The following PTPRD variants were observed in gnomAD, a reference collection of about 807,000 sequenced individuals.
PTPRD encodes the protein protein tyrosine phosphatase receptor type D.
PTPRD carries 34 observed loss-of-function variants against 214.5 expected under a neutral mutation model. The ratio of observed to expected loss-of-function variants is 0.16; its 90% confidence interval spans 0.12 to 0.21. The LOEUF (loss-of-function observed/expected upper bound fraction) is 0.21, where lower values mean the gene tolerates loss of function less well. Among genes scored for constraint, PTPRD ranks in the 10% least tolerant of loss-of-function variants. The pLI is 1.00. For synonymous variants in PTPRD, 1,128 were observed against 845.7 expected, an observed-to-expected ratio of 1.33 and a Z score of -5.79; for missense variants, 2,545 against 2,398.7, an observed-to-expected ratio of 1.06 and a Z score of -1.27.
chr9:10,165,904 C>T (rs1222721396), intron 3 of PTPRD, among the ~76,000 whole-genome samples: 1 of 150,724 alleles, frequency 6.6e-6, no homozygotes, highest in African/African-American at 2.4e-5. Flanking sequence ...TATAAATACA[C>T]ATGTCAATAT....
At chr9:9,937,885 G>A (rs1010644197) in intron 5 of PTPRD, among the ~76,000 whole-genome samples, 3 of 152,074 alleles carry the variant, frequency 2.0e-5, no homozygotes, top group Non-Finnish European at 4.4e-5. Context: ...TCATATTAAT[G>A]TTTCTACATG....
chr9:8,765,427 G>C (rs2094657559), intron 11 of PTPRD, among the ~76,000 whole-genome samples: 2 of 152,188 alleles, frequency 1.3e-5, no homozygotes, highest in South Asian at 4.1e-4. Flanking sequence ...CATGTTCTAA[G>C]GACACTTAGG....
At chr9:9,160,924 A>C (rs1429352525) in intron 10 of PTPRD, among the ~76,000 whole-genome samples, 1 of 152,194 alleles carries the variant, frequency 6.6e-6, no homozygotes, top group Non-Finnish European at 1.5e-5. Flanking sequence ...TAAACCAGGC[A>C]CAGAAAGACA....
intron 4 of PTPRD, among the ~76,000 whole-genome samples, chr9:9,970,850 C>T (rs537304161): frequency 1.3e-5 from 2 of 152,186 alleles, no homozygotes; most frequent in African/African-American, 2.4e-5. Context: ...GAATGTCACA[C>T]TGGAACATGG....
In PTPRD at chr9:10,111,533, C is replaced by T. The variant is rs1190225824; in HGVS notation, c.-544-77743G>A. Among the ~76,000 whole-genome samples the T allele has an allele frequency of 2.0e-5, 3 of 152,084 alleles. No homozygotes were observed. In the East Asian group the frequency reaches 5.8e-4, roughly 29 times the overall value. On this transcript the variant is annotated intron_variant, in intron 3 of 45. Coordinates refer to ENST00000381196, the MANE Select transcript of PTPRD (RefSeq NM_002839.4). ...GATTACAGGCGTGAGCCACCGCGCCCGGCCCCAGTTTAGTTTCTTATACCA... is the reference window on the plus strand; with the variant it reads ...GATTACAGGCGTGAGCCACCGCGCCTGGCCCCAGTTTAGTTTCTTATACCA...
intron 4 of PTPRD, among the ~76,000 whole-genome samples, chr9:9,957,539 G>A (rs893986097): frequency 3.3e-5 from 5 of 152,000 alleles, no homozygotes; most frequent in Admixed American, 6.6e-5. Flanking sequence ...AAAGCAGAAA[G>A]AATACTTTCT....
At chr9:9,767,710 T>C (rs763699457) in intron 5 of PTPRD, among the ~76,000 whole-genome samples, 5 of 152,152 alleles carry the variant, frequency 3.3e-5, no homozygotes, top group South Asian at 4.1e-4. Flanking sequence ...TTGTGATCTC[T>C]ACCACTATTT....
intron 9 of PTPRD, among the ~76,000 whole-genome samples, chr9:9,243,841 A>G (rs1393981833): frequency 1.3e-5 from 2 of 152,192 alleles, no homozygotes; most frequent in Non-Finnish European, 2.9e-5. Flanking sequence ...GAAAAGAGGA[A>G]GTCAAATTGT....
At chr9:10,422,653 C>A (rs10081659) in intron 2 of PTPRD, among the ~76,000 whole-genome samples, 8 of 152,138 alleles carry the variant, frequency 5.3e-5, no homozygotes, top group Admixed American at 3.9e-4. Flanking sequence ...AGGATATGAA[C>A]ACACACTTCT....
intron 11 of PTPRD, among the ~76,000 whole-genome samples, chr9:8,987,993 G>C (rs939754965): frequency 6.6e-6 from 1 of 151,896 alleles, no homozygotes; most frequent in African/African-American, 2.4e-5. Context: ...AAATATGAGG[G>C]AAGTGGAGTG....
chr9:8,963,568 T>C (rs557951483), intron 11 of PTPRD, among the ~76,000 whole-genome samples: 253 of 152,272 alleles, frequency 1.7e-3, no homozygotes, highest in African/African-American at 5.8e-3. Context: ...CATTTATTGA[T>C]TTGAATATGT....
chr9:9,972,071 A>C (rs1423757582), intron 4 of PTPRD, among the ~76,000 whole-genome samples: 3 of 152,212 alleles, frequency 2.0e-5, no homozygotes, highest in Non-Finnish European at 4.4e-5. Flanking sequence ...TACAAGCCAC[A>C]GTTGCAGCAT....
At chr9:10,298,152 A>G (rs1204591225) in intron 3 of PTPRD, among the ~76,000 whole-genome samples, 4 of 152,286 alleles carry the variant, frequency 2.6e-5, no homozygotes, top group Non-Finnish European at 4.4e-5. Flanking sequence ...TTTCTTTTTC[A>G]TCACTACTAA....
In PTPRD at chr9:9,723,612, G is replaced by A. The variant is rs551049297; in HGVS notation, c.-287+10921C>T. 2.6e-5 allele frequency among the ~76,000 whole-genome samples: 4 copies of A among 152,054 alleles called. No individual in the cohort carries two copies. In the South Asian group the frequency reaches 8.3e-4, roughly 32 times the overall value. ...TTACATTGAGGTTGCAGATCAATTTGGGGAATACTGCCATCTTAACAATGT... is the reference window on the plus strand; with the variant it reads ...TTACATTGAGGTTGCAGATCAATTTAGGGAATACTGCCATCTTAACAATGT... On this transcript the variant is annotated intron_variant, in intron 7 of 45. Transcript: ENST00000381196.
chr9:8,562,415 AATTT>A (rs201765905), intron 14 of PTPRD, among the ~76,000 whole-genome samples: 2,393 of 151,614 alleles, frequency 0.016, 55 homozygotes, highest in East Asian at 0.056. Flanking sequence ...TTCTCATAAT[AATTT>A]ATTTATTTAT....
At chr9:8,689,657 G>A (rs1233416755) in intron 12 of PTPRD, among the ~76,000 whole-genome samples, 7 of 152,110 alleles carry the variant, frequency 4.6e-5, no homozygotes, top group African/African-American at 1.7e-4. Context: ...CCTCACACAT[G>A]GGAATTATAG....
At chr9:8,643,999 C>CT (rs2096634090) in intron 12 of PTPRD, among the ~76,000 whole-genome samples, 1 of 152,164 alleles carries the variant, frequency 6.6e-6, no homozygotes, top group Non-Finnish European at 1.5e-5. Context: ...TCTGGGACCG[C>CT]CCATGGCTGT....
chr9:10,115,438 T>C (rs2098722912), intron 3 of PTPRD, among the ~76,000 whole-genome samples: 1 of 152,090 alleles, frequency 6.6e-6, no homozygotes, highest in South Asian at 2.1e-4. Flanking sequence ...ACCAAAATAA[T>C]TTGAGAACTA....
At chr9:9,745,031 C>G (rs1315201253) in intron 6 of PTPRD, among the ~76,000 whole-genome samples, 1 of 151,768 alleles carries the variant, frequency 6.6e-6, no homozygotes, top group African/African-American at 2.4e-5. Context: ...TAAGTGATTT[C>G]GATTGAAACA....
Sources: gnomAD v4.1 joint callset for allele counts (sites outside exome capture counted in the v4.1 genomes callset) on GRCh38, gnomAD v4.1.1 for gene constraint, MANE v1.5 for transcripts, NCBI Gene and HGNC (gene_info 2026-07-23, HGNC 2026-07-21) for gene names.